Variants in FERMT1 observed in about 807,000 individuals in gnomAD.
The protein encoded by FERMT1 is FERM domain containing kindlin 1.
Under a neutral mutation model 85.3 loss-of-function variants are expected in FERMT1, and 60 were observed. That is an observed-to-expected ratio of 0.70 (90% CI 0.57 to 0.87). The LOEUF (loss-of-function observed/expected upper bound fraction) is 0.87. Ranked by LOEUF, FERMT1 falls within the 40% of genes least tolerant of loss-of-function variation. FERMT1 has a pLI of 0.00. For missense variants in FERMT1, 701 were observed against 818.9 expected (o/e 0.86, Z 1.76); for synonymous variants, 275 against 301.1 (o/e 0.91, Z 0.90).
intron 13 of FERMT1, among the ~76,000 whole-genome samples, chr20:6,083,802 C>T (rs921120535): frequency 4.0e-5 from 6 of 151,546 alleles, no homozygotes; most frequent in Non-Finnish European, 7.4e-5. Flanking sequence ...CTAAAAAAAA[C>T]CCTCCTTTTA....
chr20:6,119,779 A>T (rs947077406), intron 1 of FERMT1, among the ~76,000 whole-genome samples: 1 of 152,212 alleles, frequency 6.6e-6, no homozygotes, highest in Non-Finnish European at 1.5e-5. Flanking sequence ...GTCTCAAATC[A>T]TCTAAATTTA....
intron 9 of FERMT1, chr20:6,094,176 GC>G (rs1982440020): frequency 6.6e-6 from 1 of 152,154 alleles, no homozygotes; most frequent in Non-Finnish European, 1.5e-5. Flanking sequence ...TTCCTTTAAA[GC>G]CAACTGCCCC....
At chr20:6,108,523 G>C (rs998935890) in intron 5 of FERMT1, among the ~76,000 whole-genome samples, 10 of 152,026 alleles carry the variant, frequency 6.6e-5, no homozygotes, top group African/African-American at 2.4e-4. Flanking sequence ...AAGATCACAG[G>C]CCTCAGCAGG....
chr20:6,114,009 A>G (rs1983032096), intron 3 of FERMT1, among the ~76,000 whole-genome samples: 1 of 152,234 alleles, frequency 6.6e-6, no homozygotes, highest in Admixed American at 6.5e-5. Context: ...GTAAAAACCA[A>G]TTAATTTGGA....
At chr20:6,083,666 C>CT (rs1447647484) in intron 13 of FERMT1, among the ~76,000 whole-genome samples, 5 of 144,760 alleles carry the variant, frequency 3.5e-5, no homozygotes, top group African/African-American at 1.3e-4. Flanking sequence ...CCCCCCCCCC[C>CT]GGCCACCCTC....
At chr20:6,088,669 C>T (rs1029706520) in intron 10 of FERMT1, among the ~76,000 whole-genome samples, 1 of 150,426 alleles carries the variant, frequency 6.6e-6, no homozygotes, top group Non-Finnish European at 1.5e-5. Context: ...CACTCTATCA[C>T]CCAGGCTGGA....
chr20:6,122,204 C>T (rs1238450180), intron 1 of FERMT1, among the ~76,000 whole-genome samples: 1 of 152,204 alleles, frequency 6.6e-6, no homozygotes, highest in African/African-American at 2.4e-5. Flanking sequence ...TTCCTGCATT[C>T]CTTTCCTATC....
chr20:6,076,357 G>T lies in FERMT1; in HGVS notation c.*816C>A. On this transcript the variant is annotated 3_prime_UTR_variant, in exon 15 of 15. Transcript: ENST00000217289. Reference sequence around the variant, plus strand: ...CTGTCTTCCTGAATCCCAACCCAGAGTAGAAGCAGTGGAGACATGGATCTG... The same window carrying T: ...CTGTCTTCCTGAATCCCAACCCAGATTAGAAGCAGTGGAGACATGGATCTG... 2 of 470,024 alleles carry T rather than the reference G, an allele frequency of 4.3e-6. No individual in the cohort carries two copies. Among genetic ancestry groups the T allele is most frequent in the South Asian group, 3.1e-5 (2 of 64,386 alleles). 29.1% of individuals were successfully genotyped at this position (470,024 alleles called of 1,614,324 possible). A position where few individuals can be genotyped will look rare whatever the true frequency, so the allele number is the denominator to read the frequency against.
intron 13 of FERMT1, among the ~76,000 whole-genome samples, chr20:6,081,527 T>A (rs1299924705): frequency 6.6e-6 from 1 of 151,992 alleles, no homozygotes; most frequent in Non-Finnish European, 1.5e-5. Context: ...GTGAAGGTCA[T>A]GGGTGGCCAA....
At chr20:6,084,917 T>C in intron 12 of FERMT1, 149 bp downstream of exon 12, 1 of 706,922 alleles carries the variant, frequency 1.4e-6, no homozygotes, top group Non-Finnish European at 2.5e-6. Context: ...GGTCTTGAAC[T>C]CCCAACTTCA....
chr20:6,121,193 G>C (rs1331939322), intron 1 of FERMT1, among the ~76,000 whole-genome samples: 1 of 152,162 alleles, frequency 6.6e-6, no homozygotes, highest in Non-Finnish European at 1.5e-5. Context: ...CATGATCTTA[G>C]CTCACTGCAA....
Position 6,085,291 on chromosome 20 carries a change from C to G in FERMT1, c.1372-4G>C. 2 of 1,612,922 alleles carry G rather than the reference C, an allele frequency of 1.2e-6. No homozygotes were observed. Among genetic ancestry groups the G allele is most frequent in the East Asian group, 4.5e-5 (2 of 44,878 alleles). On this transcript the variant is annotated splice_polypyrimidine_tract_variant and splice_region_variant and intron_variant, in intron 11 of 14. Coordinates refer to ENST00000217289, the MANE Select transcript of FERMT1 (RefSeq NM_017671.5). ...TCCATTGGGCGTATTGATTCTCCTGCAGCAAACAGAAGGTTGAGAAGCAAG... is the reference window on the plus strand; with the variant it reads ...TCCATTGGGCGTATTGATTCTCCTGGAGCAAACAGAAGGTTGAGAAGCAAG...
At position 6,076,898 on chromosome 20, in the gene FERMT1, T is replaced by C; in HGVS notation, c.*275A>G. On this transcript the variant is annotated 3_prime_UTR_variant, in exon 15 of 15. Coordinates refer to ENST00000217289, the MANE Select transcript of FERMT1 (RefSeq NM_017671.5). ...TGCAAGTCAGAGAACTGTAACCACA[T>C]GCTGGGCCTTAGAGCAATCTTAGGG... 2.0e-6 allele frequency: 1 copy of C among 506,388 alleles called. No individual in the cohort carries two copies. 31.4% of individuals were successfully genotyped at this position (506,388 alleles called of 1,614,324 possible). A position where few individuals can be genotyped will look rare whatever the true frequency, so the allele number is the denominator to read the frequency against.
At chr20:6,093,078 TAAAA>T (rs955926888) in intron 9 of FERMT1, among the ~76,000 whole-genome samples, 2 of 151,836 alleles carry the variant, frequency 1.3e-5, no homozygotes, top group African/African-American at 4.8e-5. Context: ...TTTTTTTAAA[TAAAA>T]AAAGAGCTTC....
intron 6 of FERMT1, among the ~76,000 whole-genome samples, chr20:6,105,454 T>G (rs1982772320): frequency 6.6e-6 from 1 of 152,212 alleles, no homozygotes; most frequent in African/African-American, 2.4e-5. Flanking sequence ...GCAGAGTACT[T>G]GTCACTCTGT....
At chr20:6,107,917 G>C (rs1245132253) in intron 5 of FERMT1, among the ~76,000 whole-genome samples, 1 of 152,072 alleles carries the variant, frequency 6.6e-6, no homozygotes, top group Admixed American at 6.6e-5. Context: ...CTAGGCTTTA[G>C]TGCAGTGGTG....
At chr20:6,115,112 T>C (rs7353384) in intron 3 of FERMT1, among the ~76,000 whole-genome samples, 3 of 152,232 alleles carry the variant, frequency 2.0e-5, no homozygotes, top group Admixed American at 6.5e-5. Flanking sequence ...CTATATATTA[T>C]CTATTCTGGG....
chr20:6,095,164 A>T (rs1378946767), intron 8 of FERMT1, among the ~76,000 whole-genome samples, 176 bp from the exon 9 acceptor site: 1 of 152,222 alleles, frequency 6.6e-6, no homozygotes, highest in African/African-American at 2.4e-5. Context: ...TACATTTCTG[A>T]TAGTTAACTG....
chr20:6,113,723 A>T (rs1467667414), intron 3 of FERMT1, among the ~76,000 whole-genome samples: 1 of 152,144 alleles, frequency 6.6e-6, no homozygotes, highest in Non-Finnish European at 1.5e-5. Flanking sequence ...CCTTACCCTG[A>T]GGCTGTGTCT....
Sources: allele counts gnomAD v4.1 joint callset (sites outside exome capture counted in the v4.1 genomes callset), GRCh38; gene constraint gnomAD v4.1.1; transcripts MANE v1.5; gene names NCBI Gene and HGNC (gene_info 2026-07-23, HGNC 2026-07-21).